CAMTA1: variants seen among roughly 807,000 people sequenced by gnomAD.
CAMTA1 encodes the protein calmodulin binding transcription activator 1, also known as calmodulin-binding transcription activator 1.
In CAMTA1, 27 loss-of-function variants were observed where a neutral mutation model predicts 170.9. The observed-to-expected ratio is 0.16, with a 90% confidence interval of 0.12 to 0.22. CAMTA1 has a LOEUF of 0.22. CAMTA1 is among the 10% of genes least tolerant of loss of function. The probability of loss-of-function intolerance (pLI) is 1.00; values close to 1 mark genes in which losing one functional copy is unlikely to be tolerated. For synonymous variants in CAMTA1, 833 were observed against 891.5 expected (o/e 0.93, Z 1.17); for missense variants, 1,619 against 2,217.2 (o/e 0.73, Z 5.42).
At chr1:6,998,066 T>A (rs768327303) in intron 3 of CAMTA1, among the ~76,000 whole-genome samples, 2 of 152,010 alleles carry the variant, frequency 1.3e-5, no homozygotes, top group Non-Finnish European at 2.9e-5. Context: ...TCTTTGGCTG[T>A]GTACTGAGTG....
intron 3 of CAMTA1, among the ~76,000 whole-genome samples, chr1:6,863,604 A>G (rs1056774776): frequency 6.6e-6 from 1 of 152,184 alleles, no homozygotes; most frequent in African/African-American, 2.4e-5. Context: ...CCAGGCGATC[A>G]AGTCAAATTT....
chr1:7,466,823 G>A (rs910839652), intron 5 of CAMTA1, among the ~76,000 whole-genome samples: 20 of 152,256 alleles, frequency 1.3e-4, no homozygotes, highest in African/African-American at 4.8e-4. Flanking sequence ...TGGCTTTGGT[G>A]GGGGCCCCCA....
At chr1:6,872,455 C>G (rs1415381596) in intron 3 of CAMTA1, among the ~76,000 whole-genome samples, 1 of 152,102 alleles carries the variant, frequency 6.6e-6, no homozygotes, top group Non-Finnish European at 1.5e-5. Context: ...TGCCTCATTA[C>G]CCAAATTCAC....
chr1:7,266,221 A>T (rs969222093), intron 5 of CAMTA1, among the ~76,000 whole-genome samples: 22 of 152,162 alleles, frequency 1.4e-4, no homozygotes, highest in Non-Finnish European at 2.6e-4. Flanking sequence ...GGAACAAGGA[A>T]CATGGTTCAG....
In CAMTA1 at chr1:7,552,439, G is replaced by A. The variant is rs376389715; in HGVS notation, c.510+84538G>A. Among the ~76,000 whole-genome samples the A allele has an allele frequency of 1.6e-4, 24 of 152,338 alleles. No individual in the cohort carries two copies. The East Asian group carries it at 4.2e-3, about 27-fold the overall frequency. On this transcript the variant is annotated intron_variant, in intron 6 of 22. Coordinates refer to ENST00000303635, the MANE Select transcript of CAMTA1 (RefSeq NM_015215.4). ...TTCACTGGGAACAGTGGATGTGCCT[G>A]TCTCGGCCAGACTCTGCTTGTGAAA...
intron 3 of CAMTA1, among the ~76,000 whole-genome samples, chr1:6,954,191 G>A (rs936935793): frequency 6.6e-6 from 1 of 152,164 alleles, no homozygotes; most frequent in African/African-American, 2.4e-5. Flanking sequence ...CTTTCTAAAT[G>A]ACGCCCTGGC....
chr1:7,156,978 A>G (rs2148725998), intron 4 of CAMTA1, among the ~76,000 whole-genome samples: 1 of 152,340 alleles, frequency 6.6e-6, no homozygotes, highest in Admixed American at 6.5e-5. Context: ...TCTGTTCCCA[A>G]GAAAATCAGG....
At chr1:7,737,046 C>T in intron 14 of CAMTA1, 37 bp downstream of exon 14, 1 of 1,522,184 alleles carries the variant, frequency 6.6e-7, no homozygotes, top group Non-Finnish European at 9.1e-7. Flanking sequence ...CCTTGCTGTT[C>T]TTCCAGTCTG....
rs913468192 is a variant in CAMTA1, at chr1:7,532,170, G to A, written c.510+64269G>A. ...AGCCCTAAGCTGCAGCCCTTGGGAC[G>A]TCTCCATTGAGCCAGTCCTTCCTGT... On this transcript the variant is annotated intron_variant, in intron 6 of 22. Transcript: ENST00000303635. The surrounding 1 kb of genome is among the most constrained non-coding windows in gnomAD (Gnocchi z 4.2). Among the ~76,000 whole-genome samples the A allele has an allele frequency of 2.6e-5, 4 of 152,066 alleles. No homozygotes were observed. Among genetic ancestry groups the A allele is most frequent in the African/African-American group, 7.3e-5 (3 of 41,374 alleles).
At chr1:7,180,403 A>G (rs1651869584) in intron 4 of CAMTA1, among the ~76,000 whole-genome samples, 1 of 152,116 alleles carries the variant, frequency 6.6e-6, no homozygotes, top group African/African-American at 2.4e-5. Flanking sequence ...TCTATTAAAA[A>G]TATGAAAACA....
At chr1:7,548,595 T>C (rs1345799467) in intron 6 of CAMTA1, among the ~76,000 whole-genome samples, 1 of 148,160 alleles carries the variant, frequency 6.7e-6, no homozygotes, top group Admixed American at 6.7e-5. Context: ...GGTGTCCCCT[T>C]AGGGGTGGAG....
intron 6 of CAMTA1, among the ~76,000 whole-genome samples, chr1:7,557,527 T>G (rs2094896052): frequency 6.6e-6 from 1 of 152,224 alleles, no homozygotes; most frequent in Non-Finnish European, 1.5e-5. Flanking sequence ...GAGGTCTTTA[T>G]TTTCTTGCAG....
Position 7,299,269 on chromosome 1 carries a change from A to G in CAMTA1, c.438+49643A>G, listed in dbSNP as rs1674416810. The stretch of plus-strand genomic sequence containing the variant: ...TATGAAACAATGACTTGATTTCTTT[A>G]TATGAAACATACTTTGTACATCTAA... On this transcript the variant is annotated intron_variant, in intron 5 of 22. Transcript: ENST00000303635. The surrounding 1 kb of genome is among the most constrained non-coding windows in gnomAD (Gnocchi z 4.7). 6.6e-6 allele frequency among the ~76,000 whole-genome samples: 1 copy of G among 152,206 alleles called. No individual in the cohort carries two copies. The highest frequency in any genetic ancestry group is 2.1e-4 in the South Asian group (1 of 4,828).
chr1:7,522,483 A>G (rs1399115392), intron 6 of CAMTA1, among the ~76,000 whole-genome samples: 2 of 152,214 alleles, frequency 1.3e-5, no homozygotes, highest in African/African-American at 4.8e-5. Flanking sequence ...TTGTAGAACA[A>G]AAGTTTTTAA....
Position 7,588,987 on chromosome 1 carries a change from G to A in CAMTA1, c.511-51413G>A, listed in dbSNP as rs536442821. Among the ~76,000 whole-genome samples the A allele has an allele frequency of 1.3e-5, 2 of 152,264 alleles. No individual in the cohort carries two copies. Among genetic ancestry groups the A allele is most frequent in the Admixed American group, 6.5e-5 (1 of 15,302 alleles). ...AAAACCAAGCAATTTACCTTCAATC[G>A]CTTCTCAGAATTTTGCGCAGCCAGA... On this transcript the variant is annotated intron_variant, in intron 6 of 22. Coordinates refer to ENST00000303635, the MANE Select transcript of CAMTA1 (RefSeq NM_015215.4). This position sits in a 1 kb window ranked among gnomAD's most constrained non-coding sequence, Gnocchi z 5.8.
At chr1:7,198,490 G>A (rs959072611) in intron 4 of CAMTA1, among the ~76,000 whole-genome samples, 1 of 152,104 alleles carries the variant, frequency 6.6e-6, no homozygotes, top group Admixed American at 6.5e-5. Context: ...GAAGGTGTCA[G>A]GAATGTGTCC....
chr1:7,588,915 C>T lies in CAMTA1; in HGVS notation c.511-51485C>T, dbSNP rs59244615. On this transcript the variant is annotated intron_variant, in intron 6 of 22. Coordinates refer to ENST00000303635, the MANE Select transcript of CAMTA1 (RefSeq NM_015215.4). The surrounding 1 kb of genome is among the most constrained non-coding windows in gnomAD (Gnocchi z 5.8). ...ATCAGGTGCTTATTATTTTCTGCCA[C>T]GATCAGGGAAGACTGATCGTGCTTG... Among the ~76,000 whole-genome samples, 479 of 152,318 alleles carry T rather than the reference C, an allele frequency of 3.1e-3. 3 individuals are homozygous for T. The highest frequency in any genetic ancestry group is 0.011 in the African/African-American group (461 of 41,576).
chr1:7,707,302 C>T (rs975205434), intron 11 of CAMTA1, among the ~76,000 whole-genome samples: 39 of 152,276 alleles, frequency 2.6e-4, no homozygotes, highest in African/African-American at 9.1e-4. Context: ...ACAAGTGGAA[C>T]TGAGTATTAT....
chr1:7,032,234 G>A (rs948247697), intron 3 of CAMTA1, among the ~76,000 whole-genome samples: 3 of 152,082 alleles, frequency 2.0e-5, no homozygotes, highest in African/African-American at 7.2e-5. Context: ...CAGAGTGCTG[G>A]GATTATAGGC....
Sources: allele counts gnomAD v4.1 joint callset (sites outside exome capture counted in the v4.1 genomes callset), GRCh38; gene constraint gnomAD v4.1.1; non-coding constraint Gnocchi (gnomAD v3.1); transcripts MANE v1.5; gene names NCBI Gene and HGNC (gene_info 2026-07-23, HGNC 2026-07-21).